Variants in PTPRM observed in about 807,000 individuals in gnomAD.
The protein encoded by PTPRM is receptor-type tyrosine-protein phosphatase mu.
PTPRM carries 47 observed loss-of-function variants against 186.7 expected under a neutral mutation model. That is an observed-to-expected ratio of 0.25 (90% CI 0.20 to 0.32). The LOEUF (loss-of-function observed/expected upper bound fraction) is 0.32, where lower values mean the gene tolerates loss of function less well. Among genes scored for constraint, PTPRM ranks in the 10% least tolerant of loss-of-function variants. The pLI is 1.00. For synonymous variants in PTPRM, 668 were observed against 674.9 expected (o/e 0.99, Z 0.16); for missense variants, 1,494 against 1,865.0 (o/e 0.80, Z 3.66).
chr18:8,210,398 G>A (rs923937327), intron 14 of PTPRM, among the ~76,000 whole-genome samples: 1 of 152,118 alleles, frequency 6.6e-6, no homozygotes, highest in Non-Finnish European at 1.5e-5. Context: ...GAGGACAGAG[G>A]CAGAGATTGG....
intron 13 of PTPRM, among the ~76,000 whole-genome samples, chr18:8,126,036 C>A (rs1486141046): frequency 1.5e-4 from 6 of 39,812 alleles, no homozygotes; most frequent in Middle Eastern, 0.022. Flanking sequence ...TATTTTAAAT[C>A]AGTAGACCTT....
chr18:8,107,891 A>G (rs16952888), intron 11 of PTPRM, among the ~76,000 whole-genome samples: 3,336 of 152,328 alleles, frequency 0.022, 113 homozygotes, highest in African/African-American at 0.076. Flanking sequence ...GAATCTGAGC[A>G]GTAATAACAA....
chr18:7,828,595 G>A (rs778103218), intron 2 of PTPRM, among the ~76,000 whole-genome samples: 13 of 152,166 alleles, frequency 8.5e-5, no homozygotes, highest in Non-Finnish European at 1.8e-4. Context: ...CTTCATTTAT[G>A]AGTGAGGTGA....
At chr18:7,899,261 C>A (rs920066845) in intron 3 of PTPRM, among the ~76,000 whole-genome samples, 2 of 152,184 alleles carry the variant, frequency 1.3e-5, no homozygotes, top group Non-Finnish European at 2.9e-5. Context: ...TGAAACAAGG[C>A]GACAGAACAT....
At chr18:8,289,974 A>C (rs898005211) in intron 19 of PTPRM, among the ~76,000 whole-genome samples, 2 of 152,160 alleles carry the variant, frequency 1.3e-5, no homozygotes, top group Non-Finnish European at 2.9e-5. Context: ...TGTTCAGGAC[A>C]CTGGAGAATG....
rs1005962420 is a variant in PTPRM, at chr18:8,397,426, T to G, written c.4344+2815T>G. Among the ~76,000 whole-genome samples, 5 of 152,254 alleles carry G rather than the reference T, an allele frequency of 3.3e-5. No homozygotes were observed. The South Asian group carries it at 8.3e-4, about 25-fold the overall frequency. The stretch of plus-strand genomic sequence containing the variant: ...CTCTCCAGGGAGATCCAGAAAGCCC[T>G]CAAGATGTATTTCTGCAAATTTTTA... On this transcript the variant is annotated intron_variant, in intron 32 of 32. Transcript: ENST00000580170.
chr18:7,679,239 TTAAGTA>T (rs1255519642), intron 1 of PTPRM, among the ~76,000 whole-genome samples: 1 of 152,362 alleles, frequency 6.6e-6, no homozygotes, highest in East Asian at 1.9e-4. Context: ...GATATACTGT[TTAAGTA>T]TTTAAATAAC....
At chr18:8,161,787 T>C (rs904685284) in intron 14 of PTPRM, among the ~76,000 whole-genome samples, 1 of 152,160 alleles carries the variant, frequency 6.6e-6, no homozygotes, top group Non-Finnish European at 1.5e-5. Context: ...TGCTCATTCA[T>C]ACCCTGTGAT....
At chr18:8,357,321 A>G (rs1362205432) in intron 23 of PTPRM, among the ~76,000 whole-genome samples, 2 of 152,220 alleles carry the variant, frequency 1.3e-5, no homozygotes, top group Non-Finnish European at 2.9e-5. Flanking sequence ...CTGTTCTCTA[A>G]TTTATAGACC....
intron 10 of PTPRM, among the ~76,000 whole-genome samples, chr18:8,087,242 C>T (rs923530966): frequency 3.9e-5 from 6 of 152,010 alleles, no homozygotes; most frequent in Non-Finnish European, 8.8e-5. Flanking sequence ...ATGTAAGTTA[C>T]ACTACAAAGA....
intron 17 of PTPRM, among the ~76,000 whole-genome samples, chr18:8,249,270 T>C (rs769538634): frequency 1.6e-4 from 25 of 152,220 alleles, no homozygotes; most frequent in Non-Finnish European, 2.2e-4. Context: ...ATTTTCCTAA[T>C]GGTGTTCTGT....
intron 4 of PTPRM, among the ~76,000 whole-genome samples, chr18:7,924,384 C>T (rs903869955): frequency 6.6e-6 from 1 of 152,034 alleles, no homozygotes; most frequent in African/African-American, 2.4e-5. Context: ...GTTTAAATTT[C>T]CTTGACAAGA....
chr18:8,104,234 A>G lies in PTPRM; in HGVS notation c.1857-9252A>G, dbSNP rs190197726. On this transcript the variant is annotated intron_variant, in intron 11 of 32. Coordinates refer to ENST00000580170, the MANE Select transcript of PTPRM (RefSeq NM_001105244.2). ...TCAATTTGTAAAACTTTAGTTCAGT[A>G]TCTGTGAAGCCCAATAATGTGAAGT... 1.9e-4 allele frequency among the ~76,000 whole-genome samples: 29 copies of G among 152,330 alleles called. No individual in the cohort carries two copies. In the East Asian group the frequency reaches 5.4e-3, roughly 28 times the overall value.
chr18:8,395,757 A>T (rs1568905668), intron 32 of PTPRM, among the ~76,000 whole-genome samples: 2 of 152,050 alleles, frequency 1.3e-5, no homozygotes, highest in Non-Finnish European at 2.9e-5. Context: ...TCCCCACCCT[A>T]CGGGGAGCCC....
At chr18:7,946,133 C>A (rs545658607) in intron 5 of PTPRM, among the ~76,000 whole-genome samples, 8 of 152,310 alleles carry the variant, frequency 5.3e-5, no homozygotes, top group African/African-American at 1.9e-4. Flanking sequence ...TACTGTGAGT[C>A]ATACTCCTCT....
chr18:7,881,826 G>T (rs963953408), intron 2 of PTPRM, among the ~76,000 whole-genome samples: 2 of 152,120 alleles, frequency 1.3e-5, no homozygotes, highest in African/African-American at 2.4e-5. Context: ...GAGCCTGGGT[G>T]CAGCCTTTCC....
At chr18:7,962,396 T>G (rs2147191118) in intron 7 of PTPRM, among the ~76,000 whole-genome samples, 1 of 152,248 alleles carries the variant, frequency 6.6e-6, no homozygotes, top group East Asian at 1.9e-4. Context: ...CGGTGTTGTG[T>G]TTTCTTTTAT....
At chr18:8,076,328 A>G (rs1208483848) in intron 8 of PTPRM, 127 bp from the exon 9 acceptor site, 5 of 611,336 alleles carry the variant, frequency 8.2e-6, no homozygotes, top group African/African-American at 3.9e-5. Context: ...ATTTTTAAAG[A>G]AAAATTGAGT....
chr18:8,068,248 T>C (rs75511316), intron 7 of PTPRM, among the ~76,000 whole-genome samples: 3,397 of 150,434 alleles, frequency 0.023, 52 homozygotes, highest in African/African-American at 0.048. Context: ...CCCTTCTCAA[T>C]TGTAGATCTC....
Sources: allele counts gnomAD v4.1 joint callset (sites outside exome capture counted in the v4.1 genomes callset), GRCh38; gene constraint gnomAD v4.1.1; transcripts MANE v1.5; gene names NCBI Gene and HGNC (gene_info 2026-07-23, HGNC 2026-07-21).